The following RNF217 variants were observed in gnomAD, a reference collection of about 807,000 sequenced individuals.
The protein encoded by RNF217 is ring finger protein 217, also known as E3 ubiquitin-protein ligase RNF217.
In RNF217, 31 loss-of-function variants were observed where a neutral mutation model predicts 57.8. That is an observed-to-expected ratio of 0.54 (90% CI 0.40 to 0.72). The LOEUF (loss-of-function observed/expected upper bound fraction) is 0.72. Among genes scored for constraint, RNF217 ranks in the 30% least tolerant of loss-of-function variants. RNF217 has a pLI of 0.00. For synonymous variants in RNF217, 313 were observed against 294.0 expected, an observed-to-expected ratio of 1.06 and a Z score of -0.66; for missense variants, 696 against 708.3, an observed-to-expected ratio of 0.98 and a Z score of 0.20.
intron 3 of RNF217, among the ~76,000 whole-genome samples, chr6:125,073,688 A>C (rs1421198646): frequency 6.6e-6 from 1 of 152,134 alleles, no homozygotes; most frequent in Non-Finnish European, 1.5e-5. Context: ...AGCACTCTCT[A>C]GTCCAGCATC....
chr6:124,967,060 C>T (rs564713796), intron 1 of RNF217, among the ~76,000 whole-genome samples: 1 of 152,100 alleles, frequency 6.6e-6, no homozygotes, highest in Admixed American at 6.6e-5. Flanking sequence ...TCTTTAGCAC[C>T]ACAGTATATG....
chr6:125,049,788 A>T (rs1281586277), intron 2 of RNF217, among the ~76,000 whole-genome samples: 2 of 151,942 alleles, frequency 1.3e-5, no homozygotes, highest in African/African-American at 4.8e-5. Flanking sequence ...GTTGAAAGAA[A>T]ACATGGGGTG....
chr6:124,993,906 G>A (rs1458789988), intron 1 of RNF217, among the ~76,000 whole-genome samples: 1 of 152,170 alleles, frequency 6.6e-6, no homozygotes, highest in African/African-American at 2.4e-5. Flanking sequence ...GGAGAGGTGA[G>A]TGGGAATTCG....
rs146011768 is a variant in RNF217 at position 125,014,046 on chromosome 6, A to T, written c.883-31165A>T. ...GTCTGCCTGTTGTTCTCTGAATGGG[A>T]ACTGACTCTGGATTTCATTCAGGGC... On this transcript the variant is annotated intron_variant, in intron 1 of 5. Transcript: ENST00000521654. Among the ~76,000 whole-genome samples the T allele has an allele frequency of 1.6e-3, 247 of 152,288 alleles. 2 individuals are homozygous for T. Among genetic ancestry groups the T allele is most frequent in the African/African-American group, 5.9e-3 (244 of 41,544 alleles).
chr6:125,082,377 T>C (rs986143004), intron 5 of RNF217: 3 of 1,407,050 alleles, frequency 2.1e-6, no homozygotes, highest in Admixed American at 4.8e-5. Flanking sequence ...AATTATAAAG[T>C]ATCTGACATT....
intron 1 of RNF217, among the ~76,000 whole-genome samples, chr6:124,977,921 G>A (rs1388465405): frequency 1.3e-5 from 2 of 152,012 alleles, no homozygotes; most frequent in East Asian, 3.9e-4. Flanking sequence ...TTTTACTGTG[G>A]TCAAACCTTG....
At chr6:125,003,516 G>A (rs1785061916) in intron 1 of RNF217, among the ~76,000 whole-genome samples, 1 of 152,096 alleles carries the variant, frequency 6.6e-6, no homozygotes, top group South Asian at 2.1e-4. Flanking sequence ...GATGATTGTA[G>A]GAATAAACTT....
chr6:125,025,326 G>A (rs1454834016), intron 1 of RNF217, among the ~76,000 whole-genome samples: 1 of 152,174 alleles, frequency 6.6e-6, no homozygotes, highest in African/African-American at 2.4e-5. Context: ...CAAATGGACA[G>A]ATGATAAGGA....
At chr6:124,970,272 A>C (rs755154911) in intron 1 of RNF217, among the ~76,000 whole-genome samples, 7 of 152,246 alleles carry the variant, frequency 4.6e-5, no homozygotes, top group Non-Finnish European at 7.3e-5. Flanking sequence ...TAAAAAGATC[A>C]GTTAGAAGAC....
At chr6:125,065,792 A>G (rs2114610857) in intron 3 of RNF217, among the ~76,000 whole-genome samples, 1 of 152,314 alleles carries the variant, frequency 6.6e-6, no homozygotes, top group South Asian at 2.1e-4. Flanking sequence ...CTACACATAG[A>G]ATTAAAAACA....
rs774519939 is a variant in RNF217 at position 124,963,287 on chromosome 6, T to G, written c.743T>G (p.Leu248Arg). ...TTGGGAGCTCCACCCTACTCTGGCC[T>G]GGGCGGTGTAGGGGATCCCTATGTG... is the stretch of plus-strand genomic sequence containing the variant. ...SLLGAPPYSGLGGVGDPYVPL... is the reference protein window; with the variant it reads ...SLLGAPPYSGRGGVGDPYVPL... The change falls in exon 1 of 6, where the codon CTG (leucine) becomes CGG (arginine). Residue 248 changes from leucine (L) to arginine (R), a missense_variant. Around this residue, in one of 2 missense-constraint regions of RNF217, gnomAD observed 465 missense variants for 386.8 expected, o/e 1.20. Transcript: ENST00000521654. 6 of 1,535,792 alleles carry G rather than the reference T, an allele frequency of 3.9e-6. No individual in the cohort carries two copies. Among genetic ancestry groups the G allele is most frequent in the Non-Finnish European group, 8.7e-7 (1 of 1,146,824 alleles).
At chr6:125,007,712 G>A (rs1785243885) in intron 1 of RNF217, among the ~76,000 whole-genome samples, 1 of 152,034 alleles carries the variant, frequency 6.6e-6, no homozygotes, top group Non-Finnish European at 1.5e-5. Context: ...TCCTTACTGG[G>A]GGGAAACTAA....
At position 125,058,095 on chromosome 6, in the gene RNF217, C is replaced by T. The variant is rs1405768145; in HGVS notation, c.1270C>T (p.Pro424Ser). The T allele has an allele frequency of 6.2e-7, 1 of 1,609,184 alleles. No individual in the cohort carries two copies. Among genetic ancestry groups the T allele is most frequent in the South Asian group, 1.1e-5 (1 of 90,166 alleles). ...EHGQRNAQKC[P>S]KCKIHIQRTE... The stretch of plus-strand genomic sequence containing the variant: ...TGGGCAGAGGAATGCCCAGAAGTGT[C>T]CAAAGTGCAAGGTGAGATAACTTTT... The change falls in exon 3 of 6, where the codon CCA becomes TCA. Residue 424 changes from proline to serine, a missense_variant. Pro to Ser is a moderately conservative substitution (Grantham distance 74, BLOSUM62 -1). Around this residue, in one of 2 missense-constraint regions of RNF217, gnomAD observed 231 missense variants for 321.4 expected, o/e 0.72. Transcript: ENST00000521654.
intron 1 of RNF217, among the ~76,000 whole-genome samples, chr6:125,039,610 T>C (rs1313940078): frequency 1.3e-5 from 2 of 152,158 alleles, no homozygotes; most frequent in Admixed American, 1.3e-4. Context: ...AATAGACATC[T>C]ACAGAACTCT....
chr6:124,972,290 A>G (rs1445914424), intron 1 of RNF217, among the ~76,000 whole-genome samples: 1 of 151,718 alleles, frequency 6.6e-6, no homozygotes, highest in African/African-American at 2.4e-5. Context: ...TACTGATTCT[A>G]TTTCTGCTGT....
chr6:124,981,631 C>T (rs1036624908), intron 1 of RNF217, among the ~76,000 whole-genome samples: 1 of 152,124 alleles, frequency 6.6e-6, no homozygotes, highest in Non-Finnish European at 1.5e-5. Context: ...GCATTTGCCT[C>T]AGCTGAGCAG....
chr6:125,020,594 A>G (rs1017079434), intron 1 of RNF217, among the ~76,000 whole-genome samples: 5 of 151,722 alleles, frequency 3.3e-5, no homozygotes, highest in African/African-American at 1.2e-4. Flanking sequence ...CTGCTTTCTG[A>G]TGTTAATTAC....
At chr6:125,001,098 T>C (rs1784964477) in intron 1 of RNF217, among the ~76,000 whole-genome samples, 1 of 152,180 alleles carries the variant, frequency 6.6e-6, no homozygotes, top group East Asian at 1.9e-4. Flanking sequence ...AGATTGTTCT[T>C]TGATTTTTCT....
intron 1 of RNF217, among the ~76,000 whole-genome samples, chr6:125,000,523 G>T (rs1784935174): frequency 6.6e-6 from 1 of 151,696 alleles, no homozygotes; most frequent in South Asian, 2.1e-4. Flanking sequence ...ATTATTTTTT[G>T]AAAACAACTA....
Sources: allele counts gnomAD v4.1 joint callset (sites outside exome capture counted in the v4.1 genomes callset), GRCh38; gene constraint gnomAD v4.1.1; regional missense constraint gnomAD v4.1.1; transcripts MANE v1.5; gene names NCBI Gene and HGNC (gene_info 2026-07-23, HGNC 2026-07-21).